DEPDC5: variants seen among roughly 807,000 people sequenced by gnomAD.
DEPDC5 encodes DEP domain containing 5, GATOR1 subcomplex subunit.
Under a neutral mutation model 217.3 loss-of-function variants are expected in DEPDC5, and 73 were observed. That is an observed-to-expected ratio of 0.34 (90% CI 0.28 to 0.41). The LOEUF is 0.41. Among genes scored for constraint, DEPDC5 ranks in the 10% least tolerant of loss-of-function variants. The pLI is 1.00. For synonymous variants in DEPDC5, 733 were observed against 756.7 expected (o/e 0.97, Z 0.51); for missense variants, 1,675 against 2,070.1 (o/e 0.81, Z 3.70).
intron 38 of DEPDC5, among the ~76,000 whole-genome samples, chr22:31,881,404 G>T (rs1386509061): frequency 5.3e-5 from 8 of 152,108 alleles, no homozygotes; most frequent in Admixed American, 4.6e-4. Context: ...GGAGGATAGG[G>T]TAGAACCTTG....
chr22:31,809,465 G>T, intron 18 of DEPDC5, 146 bp from the exon 19 acceptor site: 1 of 759,494 alleles, frequency 1.3e-6, no homozygotes, highest in Non-Finnish European at 2.2e-6. Flanking sequence ...ATAAAGGACC[G>T]TGGTAGGTAG....
At chr22:31,804,275 A>G (rs1207073309) in intron 16 of DEPDC5, 52 bp downstream of exon 16, 1 of 1,589,054 alleles carries the variant, frequency 6.3e-7, no homozygotes, top group Non-Finnish European at 8.6e-7. Context: ...TATAGTTAGA[A>G]AGAGAAAAAT....
At chr22:31,880,812 CG>C in intron 38 of DEPDC5, among the ~76,000 whole-genome samples, 1 of 151,184 alleles carries the variant, frequency 6.6e-6, no homozygotes, top group South Asian at 2.1e-4. Context: ...ATCACAAGGT[CG>C]GGAGATCGAG....
intron 38 of DEPDC5, among the ~76,000 whole-genome samples, chr22:31,886,739 A>G (rs955750021): frequency 7.0e-6 from 1 of 142,022 alleles, no homozygotes; most frequent in African/African-American, 2.7e-5. Flanking sequence ...CCGCCTGAAA[A>G]AATACGTCTC....
At chr22:31,776,762 A>AG (rs2083901597) in intron 7 of DEPDC5, among the ~76,000 whole-genome samples, 1 of 151,204 alleles carries the variant, frequency 6.6e-6, no homozygotes, top group Non-Finnish European at 1.5e-5. Context: ...TTTAGTAGAG[A>AG]GGGGGTTTCA....
At chr22:31,865,547 C>G (rs1004861851) in intron 33 of DEPDC5, among the ~76,000 whole-genome samples, 1 of 151,830 alleles carries the variant, frequency 6.6e-6, no homozygotes, top group African/African-American at 2.4e-5. Flanking sequence ...CCATTTGGAG[C>G]GAGGGGTTAG....
At chr22:31,767,905 C>A (rs576315693) in intron 6 of DEPDC5, among the ~76,000 whole-genome samples, 2 of 151,672 alleles carry the variant, frequency 1.3e-5, no homozygotes, top group South Asian at 4.2e-4. Context: ...GCCACCACAC[C>A]CGGCTAATTT....
intron 27 of DEPDC5, among the ~76,000 whole-genome samples, chr22:31,840,887 G>T (rs2091348256): frequency 6.6e-6 from 1 of 152,218 alleles, no homozygotes; most frequent in South Asian, 2.1e-4. Flanking sequence ...GTCTATGGCA[G>T]AGTCAGATGT....
intron 8 of DEPDC5, among the ~76,000 whole-genome samples, chr22:31,783,362 G>T (rs2084656136): frequency 6.6e-6 from 1 of 152,066 alleles, no homozygotes; most frequent in Non-Finnish European, 1.5e-5. Context: ...TCACCATGAA[G>T]GTCCGCAGCT....
intron 30 of DEPDC5, among the ~76,000 whole-genome samples, chr22:31,845,516 G>A (rs1446112477): frequency 6.6e-6 from 1 of 152,178 alleles, no homozygotes; most frequent in African/African-American, 2.4e-5. Flanking sequence ...CCTATGTTGA[G>A]CACAGCTGCT....
intron 7 of DEPDC5, among the ~76,000 whole-genome samples, chr22:31,773,287 A>C (rs549476412): frequency 3.3e-5 from 5 of 152,106 alleles, no homozygotes; most frequent in African/African-American, 1.2e-4. Context: ...TCCTAGGCCC[A>C]AGCAATACTC....
intron 8 of DEPDC5, among the ~76,000 whole-genome samples, chr22:31,783,524 G>A (rs964206360): frequency 1.5e-4 from 23 of 152,074 alleles, no homozygotes; most frequent in African/African-American, 5.3e-4. Flanking sequence ...TTTGTGGCCT[G>A]GTGGTGCACT....
chr22:31,904,448 T>C (rs528808222), intron 41 of DEPDC5, among the ~76,000 whole-genome samples: 1 of 152,168 alleles, frequency 6.6e-6, no homozygotes, highest in Admixed American at 6.5e-5. Flanking sequence ...AATTAGAAAG[T>C]AGAGAGAAAG....
intron 21 of DEPDC5, chr22:31,816,275 G>T (rs1355644817): frequency 1.3e-5 from 2 of 150,858 alleles, no homozygotes; most frequent in Non-Finnish European, 2.9e-5. Flanking sequence ...CTCCAGCCTG[G>T]GTGACAGAGG....
chr22:31,888,238 T>TA (rs2093359593), intron 38 of DEPDC5, among the ~76,000 whole-genome samples: 1 of 115,220 alleles, frequency 8.7e-6, no homozygotes, highest in South Asian at 3.1e-4. Flanking sequence ...GTTTTGTCTG[T>TA]GGTTTTTTTT....
intron 7 of DEPDC5, among the ~76,000 whole-genome samples, chr22:31,774,034 G>T (rs1191647941): frequency 6.6e-6 from 1 of 151,974 alleles, no homozygotes; most frequent in Non-Finnish European, 1.5e-5. Flanking sequence ...TCGTGCCATT[G>T]CACTCCACCC....
intron 7 of DEPDC5, among the ~76,000 whole-genome samples, chr22:31,775,506 T>A (rs1042797445): frequency 2.0e-5 from 3 of 152,046 alleles, no homozygotes; most frequent in Admixed American, 6.6e-5. Context: ...GAGGACTGAT[T>A]GCTTAGGTGA....
chr22:31,836,909 G>C, intron 25 of DEPDC5, 63 bp from the exon 26 acceptor site: 31 of 1,394,716 alleles, frequency 2.2e-5, no homozygotes, highest in South Asian at 4.2e-5. Context: ...CCCTCCCCTG[G>C]CCCCCCATCC....
chr22:31,817,552 A>G, intron 21 of DEPDC5: 1 of 352,688 alleles, frequency 2.8e-6, no homozygotes. Context: ...GCAGTGGTAC[A>G]ATATTGGCTC....
Sources: allele counts gnomAD v4.1 joint callset (sites outside exome capture counted in the v4.1 genomes callset), GRCh38; gene constraint gnomAD v4.1.1; transcripts MANE v1.5; gene names NCBI Gene and HGNC (gene_info 2026-07-23, HGNC 2026-07-21).